Variants in TMX2 observed in about 807,000 individuals in gnomAD.
The protein encoded by TMX2 is thioredoxin related transmembrane protein 2, also known as thioredoxin-related transmembrane protein 2.
A neutral mutation model predicts 33.4 loss-of-function variants in TMX2; 20 were observed. That is an observed-to-expected ratio of 0.60 (90% CI 0.42 to 0.87). The LOEUF (loss-of-function observed/expected upper bound fraction) is 0.87, where lower values mean the gene tolerates loss of function less well. TMX2 is among the 40% of genes least tolerant of loss of function. The pLI, the probability that TMX2 is intolerant of heterozygous loss-of-function variation, is 0.00. For missense variants in TMX2, 340 were observed against 370.7 expected (o/e 0.92, Z 0.68); for synonymous variants, 166 against 140.7 (o/e 1.18, Z -1.27).
intron 1 of TMX2, among the ~76,000 whole-genome samples, chr11:57,734,157 C>CAAAAAAAAAAAAAAAAAAAAAAAAAAAA: frequency 2.0e-5 from 1 of 49,738 alleles, no homozygotes; most frequent in Non-Finnish European, 3.9e-5. Context: ...ACCCTGTCTC[C>CAAAAAAAAAAAAAAAAAAAAAAAAAAAA]AAAAAAAAAA....
chr11:57,714,176 C>T (rs1237846755), intron 1 of TMX2, among the ~76,000 whole-genome samples: 2 of 152,106 alleles, frequency 1.3e-5, no homozygotes, highest in East Asian at 3.8e-4. Flanking sequence ...GAGTTGGTGT[C>T]TGTGGAGAGA....
At position 57,740,303 on chromosome 11, in the gene TMX2, C is replaced by T; in HGVS notation, c.*58C>T. 1 of 1,514,052 alleles carries T rather than the reference C, an allele frequency of 6.6e-7. No individual in the cohort carries two copies. The highest frequency in any genetic ancestry group is 1.3e-5 in the South Asian group (1 of 74,938). 93.8% of individuals were successfully genotyped at this position (1,514,052 alleles called of 1,614,324 possible). ...CAATTCCAGGCTCTTTCCATAACCA[C>T]AAGCCTGAGGCTGCAGCCTTTTATT... On this transcript the variant is annotated 3_prime_UTR_variant, in exon 8 of 8. Transcript: ENST00000278422.
At chr11:57,739,754 GAAAAA>G (rs778726557) in intron 7 of TMX2, among the ~76,000 whole-genome samples, 3 of 142,128 alleles carry the variant, frequency 2.1e-5, no homozygotes, top group Non-Finnish European at 3.1e-5. Context: ...ACTCCATCAG[GAAAAA>G]AAAAAAAAGA....
chr11:57,715,436 T>C (rs7480942), intron 1 of TMX2, among the ~76,000 whole-genome samples: 1 of 149,584 alleles, frequency 6.7e-6, no homozygotes, highest in South Asian at 2.1e-4. Context: ...AAAAAATATA[T>C]TTTATATATA....
chr11:57,740,020 T>C (rs754137824), intron 7 of TMX2, 79 bp from the exon 8 acceptor site: 206 of 1,595,434 alleles, frequency 1.3e-4, no homozygotes, highest in African/African-American at 1.6e-4. Flanking sequence ...CCAGACTTTG[T>C]GTAAAATACC....
At chr11:57,736,904 A>G (rs1370338513) in intron 1 of TMX2, among the ~76,000 whole-genome samples, 2 of 151,454 alleles carry the variant, frequency 1.3e-5, no homozygotes, top group South Asian at 2.1e-4. Flanking sequence ...AAAAAATTAA[A>G]CATGTGGAAT....
intron 1 of TMX2, among the ~76,000 whole-genome samples, chr11:57,714,117 T>G (rs751512210): frequency 3.9e-5 from 6 of 152,322 alleles, no homozygotes; most frequent in East Asian, 1.9e-4. Flanking sequence ...GTCCCTGGTC[T>G]TCTTTATTTC....
chr11:57,739,613 C>T (rs149976774), intron 7 of TMX2, among the ~76,000 whole-genome samples: 192 of 152,180 alleles, frequency 1.3e-3, no homozygotes, highest in Non-Finnish European at 2.2e-3. Context: ...CAAAAATAGC[C>T]GAGTGTGGTG....
intron 1 of TMX2, among the ~76,000 whole-genome samples, chr11:57,728,560 A>G (rs1948151462): frequency 6.6e-6 from 1 of 151,980 alleles, no homozygotes; most frequent in African/African-American, 2.4e-5. Flanking sequence ...TCAAGGGCTG[A>G]TGGTTCTTGA....
Position 57,738,759 on chromosome 11 carries a change from C to T in TMX2, c.537C>T (p.Asp179=). ...AATCATTTGCCCCTATCTATGCTGA[C>T]CTCTCCCTTAAGTGAGTAGTGCAAA... ...DCQSFAPIYA[D]LSLKYNCTGL... is the part of the protein sequence containing the mutation. Residue 179 remains aspartate, a synonymous_variant, in exon 5 of 8, where the codon GAC becomes GAT. Transcript: ENST00000278422. The T allele has an allele frequency of 6.2e-7, 1 of 1,613,452 alleles. No homozygotes were observed. The highest frequency in any genetic ancestry group is 8.5e-7 in the Non-Finnish European group (1 of 1,179,404).
intron 1 of TMX2, among the ~76,000 whole-genome samples, chr11:57,736,119 G>A (rs1034142897): frequency 2.0e-5 from 3 of 152,078 alleles, no homozygotes; most frequent in African/African-American, 7.2e-5. Flanking sequence ...GGTTTCTCTG[G>A]GGTCCCCTTA....
At chr11:57,714,455 T>G (rs1946845219) in intron 1 of TMX2, among the ~76,000 whole-genome samples, 1 of 152,196 alleles carries the variant, frequency 6.6e-6, no homozygotes, top group Non-Finnish European at 1.5e-5. Context: ...ATTGGGAAGA[T>G]TAATAGCAAT....
intron 1 of TMX2, among the ~76,000 whole-genome samples, chr11:57,728,596 G>A (rs191893634): frequency 2.0e-5 from 3 of 152,262 alleles, no homozygotes; most frequent in African/African-American, 7.2e-5. Flanking sequence ...TTTTTTGCTA[G>A]GAAGTTGTTG....
chr11:57,737,482 A>T, intron 1 of TMX2, 126 bp from the exon 2 acceptor site: 1 of 727,536 alleles, frequency 1.4e-6, no homozygotes, highest in Non-Finnish European at 2.4e-6. Context: ...ACCTAACTGC[A>T]GTTCTTTATT....
At chr11:57,718,875 C>G (rs1947360695) in intron 1 of TMX2, among the ~76,000 whole-genome samples, 1 of 150,904 alleles carries the variant, frequency 6.6e-6, no homozygotes, top group African/African-American at 2.4e-5. Context: ...TGGCTTGTCT[C>G]TTAACTCCTG....
intron 1 of TMX2, among the ~76,000 whole-genome samples, chr11:57,725,955 T>TA (rs1285332160): frequency 6.6e-6 from 1 of 152,166 alleles, no homozygotes; most frequent in Non-Finnish European, 1.5e-5. Context: ...CTGGGTATAA[T>TA]ACTCCAAATT....
chr11:57,726,519 C>T (rs568208058), intron 1 of TMX2, among the ~76,000 whole-genome samples: 1 of 151,418 alleles, frequency 6.6e-6, no homozygotes, highest in South Asian at 2.1e-4. Context: ...GTAATGAATG[C>T]CTGTCCACAT....
rs1417028652 is a variant in TMX2 at position 57,734,156 on chromosome 11, CCAAAAAAAAAAAAAAAAAAA to C, written c.190-3451_190-3432del. On this transcript the variant is annotated intron_variant, in intron 1 of 7. Transcript: ENST00000278422. ...CCTGGGTGACAGAGAGACCCTGTCT[CCAAAAAAAAAAAAAAAAAAA>C]AAAAAAAAAAAGGACTGCAAGGGCA... 5.5e-5 allele frequency among the ~76,000 whole-genome samples: 3 copies of C among 54,734 alleles called. No homozygotes were observed. In the Admixed American group the frequency reaches 7.6e-4, roughly 14 times the overall value. The allele number at this position is 54,734 out of a possible 152,430, so 35.9% of individuals were successfully genotyped here.
At chr11:57,729,117 T>C (rs1176960973) in intron 1 of TMX2, among the ~76,000 whole-genome samples, 3 of 150,204 alleles carry the variant, frequency 2.0e-5, no homozygotes, top group South Asian at 2.1e-4. Context: ...TCAGCTCCTC[T>C]AAGGAGAAAA....
Sources: gnomAD v4.1 joint callset for allele counts (sites outside exome capture counted in the v4.1 genomes callset) on GRCh38, gnomAD v4.1.1 for gene constraint, MANE v1.5 for transcripts, NCBI Gene and HGNC (gene_info 2026-07-23, HGNC 2026-07-21) for gene names.